ROR1: variants seen among roughly 807,000 people sequenced by gnomAD.
The protein encoded by ROR1 is inactive tyrosine-protein kinase transmembrane receptor ROR1.
In ROR1, 19 loss-of-function variants were observed where a neutral mutation model predicts 78.8. That is an observed-to-expected ratio of 0.24 (90% CI 0.17 to 0.35). The LOEUF is 0.35. Ranked by LOEUF, ROR1 falls within the 10% of genes least tolerant of loss-of-function variation. The probability of loss-of-function intolerance (pLI) is 1.00; values close to 1 mark genes in which losing one functional copy is unlikely to be tolerated. For missense variants in ROR1, 917 were observed against 1,177.8 expected, an observed-to-expected ratio of 0.78 and a Z score of 3.24; for synonymous variants, 386 against 433.6, an observed-to-expected ratio of 0.89 and a Z score of 1.36.
chr1:63,836,111 A>C (rs1180313201), intron 1 of ROR1, among the ~76,000 whole-genome samples: 1 of 152,170 alleles, frequency 6.6e-6, no homozygotes, highest in East Asian at 1.9e-4. Flanking sequence ...CCTTCCTCCC[A>C]ATAGCCCCAC....
intron 2 of ROR1, among the ~76,000 whole-genome samples, chr1:64,013,224 G>A (rs914839996): frequency 3.3e-5 from 5 of 152,104 alleles, no homozygotes; most frequent in East Asian, 1.9e-4. Flanking sequence ...AATATCATGC[G>A]TACTTCAACA....
At chr1:64,067,849 A>G (rs185456276) in intron 4 of ROR1, among the ~76,000 whole-genome samples, 18 of 151,586 alleles carry the variant, frequency 1.2e-4, no homozygotes, top group Non-Finnish European at 2.2e-4. Flanking sequence ...AGTAGCTGGG[A>G]CTACAGGCGC....
At chr1:64,166,265 T>C (rs569844581) in intron 8 of ROR1, among the ~76,000 whole-genome samples, 40 of 152,354 alleles carry the variant, frequency 2.6e-4, no homozygotes, top group Admixed American at 7.8e-4. Context: ...TTTTGGTTAC[T>C]GTAGCCCTGT....
chr1:64,028,994 C>G (rs999135921), intron 2 of ROR1: 1 of 152,186 alleles, frequency 6.6e-6, no homozygotes, highest in Non-Finnish European at 1.5e-5. Flanking sequence ...GCTGCCAAAA[C>G]AAGCCCCAGA....
At chr1:63,889,776 G>A (rs915495364) in intron 1 of ROR1, among the ~76,000 whole-genome samples, 3 of 152,166 alleles carry the variant, frequency 2.0e-5, no homozygotes, top group African/African-American at 4.8e-5. Flanking sequence ...AAGCATTCAG[G>A]TAGTGGAGTA....
intron 4 of ROR1, among the ~76,000 whole-genome samples, chr1:64,084,295 C>G (rs772592630): frequency 6.6e-6 from 1 of 152,186 alleles, no homozygotes; most frequent in Non-Finnish European, 1.5e-5. Flanking sequence ...GTTCTGGATA[C>G]TCAAAGACTG....
intron 1 of ROR1, among the ~76,000 whole-genome samples, chr1:63,876,856 C>T (rs1645289662): frequency 6.6e-6 from 1 of 151,896 alleles, no homozygotes; most frequent in African/African-American, 2.4e-5. Flanking sequence ...CTGCTTAGCT[C>T]ATCCAGTGAG....
chr1:64,048,103 C>T (rs1646798408), intron 2 of ROR1, among the ~76,000 whole-genome samples: 1 of 152,200 alleles, frequency 6.6e-6, no homozygotes, highest in Admixed American at 6.5e-5. Context: ...ATTTTACAGA[C>T]ATTTGGGCAA....
At chr1:63,834,907 A>G (rs965691072) in intron 1 of ROR1, among the ~76,000 whole-genome samples, 4 of 151,926 alleles carry the variant, frequency 2.6e-5, no homozygotes, top group African/African-American at 9.7e-5. Flanking sequence ...AAATGGCTCT[A>G]ATCAACATTC....
chr1:63,951,777 A>AC (rs997750740), intron 1 of ROR1, among the ~76,000 whole-genome samples: 1 of 152,110 alleles, frequency 6.6e-6, no homozygotes. Context: ...GAAGCTTTAG[A>AC]CCCCATAAAA....
rs377723789 is a variant in ROR1 at position 64,031,855 on chromosome 1, G to T, written c.164-17836G>T. 7.3e-5 allele frequency among the ~76,000 whole-genome samples: 11 copies of T among 151,410 alleles called. 1 individual carries two copies. Among genetic ancestry groups the T allele is most frequent in the African/African-American group, 1.5e-4 (6 of 41,346 alleles). ...ACACAGCTTTTGCTTTTGTGTGTGT[G>T]TGTTTGTGTGTGCGTGTGCATGCAC... On this transcript the variant is annotated intron_variant, in intron 2 of 8. Transcript: ENST00000371079.
At chr1:63,906,172 A>G (rs1464844116) in intron 1 of ROR1, among the ~76,000 whole-genome samples, 2 of 152,142 alleles carry the variant, frequency 1.3e-5, no homozygotes, top group South Asian at 2.1e-4. Flanking sequence ...TAGATGAAAA[A>G]TCATCCACCT....
intron 1 of ROR1, among the ~76,000 whole-genome samples, chr1:63,826,852 T>A (rs1276433845): frequency 6.6e-6 from 1 of 152,092 alleles, no homozygotes; most frequent in African/African-American, 2.4e-5. Context: ...CTGACTGGTG[T>A]GAGATGGTAT....
At chr1:63,836,434 A>G (rs1181867707) in intron 1 of ROR1, among the ~76,000 whole-genome samples, 1 of 152,242 alleles carries the variant, frequency 6.6e-6, no homozygotes. Context: ...AATAGGAACA[A>G]AAAGTTATGA....
chr1:63,969,691 G>C (rs533647272), intron 1 of ROR1, among the ~76,000 whole-genome samples: 11 of 152,036 alleles, frequency 7.2e-5, no homozygotes, highest in Admixed American at 2.6e-4. Flanking sequence ...GTGATGAACC[G>C]TCCAGTTCTG....
At chr1:63,908,412 G>C (rs1013044809) in intron 1 of ROR1, among the ~76,000 whole-genome samples, 1 of 152,084 alleles carries the variant, frequency 6.6e-6, no homozygotes, top group Non-Finnish European at 1.5e-5. Context: ...TTTTTCTTTG[G>C]TAAACAGAAG....
intron 4 of ROR1, among the ~76,000 whole-genome samples, chr1:64,071,478 G>T (rs1480830496): frequency 1.3e-5 from 2 of 152,040 alleles, no homozygotes; most frequent in African/African-American, 4.8e-5. Context: ...AAATAAACAG[G>T]ATAAATGGAA....
At chr1:63,907,002 G>A (rs1024756368) in intron 1 of ROR1, among the ~76,000 whole-genome samples, 2 of 152,130 alleles carry the variant, frequency 1.3e-5, no homozygotes, top group Non-Finnish European at 2.9e-5. Context: ...CAAAATGATC[G>A]CCCCAGAAAT....
chr1:63,778,361 A>C (rs781063180), intron 1 of ROR1, among the ~76,000 whole-genome samples: 2 of 152,246 alleles, frequency 1.3e-5, no homozygotes, highest in Non-Finnish European at 2.9e-5. Flanking sequence ...CCTCTGAACG[A>C]TAGGAACTGC....
Sources: allele counts gnomAD v4.1 joint callset (sites outside exome capture counted in the v4.1 genomes callset), GRCh38; gene constraint gnomAD v4.1.1; transcripts MANE v1.5; gene names NCBI Gene and HGNC (gene_info 2026-07-23, HGNC 2026-07-21).